Variants in INTS9 observed in about 807,000 individuals in gnomAD.
INTS9 encodes protein related to CPSF subunits of 74 kDa.
In INTS9, 55 loss-of-function variants were observed where a neutral mutation model predicts 79.7. That is an observed-to-expected ratio of 0.69 (90% confidence interval 0.56 to 0.86). INTS9 has a LOEUF of 0.86. INTS9 is among the 40% of genes least tolerant of loss of function. INTS9 has a pLI of 0.00. For missense variants in INTS9, 721 were observed against 831.5 expected (o/e 0.87, Z 1.64); for synonymous variants, 319 against 325.2 (o/e 0.98, Z 0.20).
At chr8:28,836,938 G>A (rs1475083512) in intron 5 of INTS9, among the ~76,000 whole-genome samples, 6 of 152,064 alleles carry the variant, frequency 3.9e-5, no homozygotes, top group Middle Eastern at 3.4e-3. Flanking sequence ...AACTTATACC[G>A]TACTTATTAA....
intron 10 of INTS9, among the ~76,000 whole-genome samples, chr8:28,790,714 C>G (rs1421950356): frequency 1.3e-5 from 2 of 152,194 alleles, no homozygotes; most frequent in Non-Finnish European, 2.9e-5. Context: ...TTACTTAAGT[C>G]CATCCTTTCC....
intron 1 of INTS9, among the ~76,000 whole-genome samples, chr8:28,874,560 T>G (rs1013181180): frequency 6.6e-6 from 1 of 152,158 alleles, no homozygotes; most frequent in Non-Finnish European, 1.5e-5. Flanking sequence ...CCCAAAGTGC[T>G]AGGATTACAG....
intron 2 of INTS9, among the ~76,000 whole-genome samples, chr8:28,858,714 T>C (rs566379890): frequency 9.8e-5 from 15 of 152,366 alleles, no homozygotes; most frequent in African/African-American, 3.6e-4. Flanking sequence ...CAGGAATGAC[T>C]GAGATAAACT....
chr8:28,851,233 C>T (rs1404814578), intron 2 of INTS9, among the ~76,000 whole-genome samples: 1 of 151,112 alleles, frequency 6.6e-6, no homozygotes, highest in African/African-American at 2.5e-5. Flanking sequence ...CTCTAAGGTC[C>T]CTCTTCCTCT....
intron 1 of INTS9, among the ~76,000 whole-genome samples, chr8:28,876,820 A>T (rs1809420934): frequency 6.6e-6 from 1 of 152,166 alleles, no homozygotes; most frequent in South Asian, 2.1e-4. Context: ...TTATATGAAA[A>T]CCACACAGGA....
chr8:28,821,272 C>T (rs1289839848), intron 6 of INTS9, among the ~76,000 whole-genome samples: 2 of 152,270 alleles, frequency 1.3e-5, no homozygotes, highest in South Asian at 2.1e-4. Flanking sequence ...GCTGGGGAGG[C>T]CTCAGAATCA....
intron 2 of INTS9, among the ~76,000 whole-genome samples, chr8:28,858,505 T>A (rs748638303): frequency 2.6e-5 from 4 of 152,218 alleles, no homozygotes; most frequent in African/African-American, 7.2e-5. Context: ...GGGTGGCACA[T>A]GTATTTCTAA....
At chr8:28,809,506 G>A (rs1446577064) in intron 8 of INTS9, among the ~76,000 whole-genome samples, 1 of 152,100 alleles carries the variant, frequency 6.6e-6, no homozygotes, top group Non-Finnish European at 1.5e-5. Flanking sequence ...AACACAGGTT[G>A]CCAGCTAAAA....
At position 28,787,901 on chromosome 8, in the gene INTS9, G is replaced by C. The variant is rs780652257; in HGVS notation, c.1038-12C>G. On this transcript the variant is annotated splice_polypyrimidine_tract_variant and intron_variant, in intron 10 of 16. Transcript: ENST00000521022. ...TGTTGTGACAAAGCCTATTAAAGAG[G>C]AAAAACACATCAGCATGTGAGGAAG... 2 of 1,582,930 alleles carry C rather than the reference G, an allele frequency of 1.3e-6. No individual in the cohort carries two copies. The highest frequency in any genetic ancestry group is 1.7e-6 in the Non-Finnish European group (2 of 1,155,836).
rs1331839884 is a variant in INTS9, at chr8:28,776,437, T to G, written c.1396-511A>C. ...AGGAGCAGAGGCAGAGTTTTTTTTTTTTGTTTTTTTTTTTAAACAAAATGT... is the reference window on the plus strand; with the variant it reads ...AGGAGCAGAGGCAGAGTTTTTTTTTGTTGTTTTTTTTTTTAAACAAAATGT... On this transcript the variant is annotated intron_variant, in intron 13 of 16. Coordinates refer to ENST00000521022, the MANE Select transcript of INTS9 (RefSeq NM_018250.4). Among the ~76,000 whole-genome samples, 13 of 90,468 alleles carry G rather than the reference T, an allele frequency of 1.4e-4. No individual in the cohort carries two copies. The South Asian group carries it at 2.6e-3, about 18-fold the overall frequency. 59.4% of individuals were successfully genotyped at this position (90,468 alleles called of 152,430 possible). A position where few individuals can be genotyped will look rare whatever the true frequency, so the allele number is the denominator to read the frequency against.
At chr8:28,884,396 G>A (rs904484198) in intron 1 of INTS9, among the ~76,000 whole-genome samples, 5 of 151,738 alleles carry the variant, frequency 3.3e-5, no homozygotes, top group Non-Finnish European at 5.9e-5. Flanking sequence ...TGTTGCCCAG[G>A]CTGGTCTGGA....
chr8:28,801,410 A>C (rs943797800), intron 8 of INTS9, among the ~76,000 whole-genome samples: 6 of 152,106 alleles, frequency 3.9e-5, no homozygotes, highest in Non-Finnish European at 8.8e-5. Flanking sequence ...GGAACTCTTA[A>C]GCCCAGGAGG....
At chr8:28,826,936 C>T (rs1806181864) in intron 6 of INTS9, among the ~76,000 whole-genome samples, 1 of 152,182 alleles carries the variant, frequency 6.6e-6, no homozygotes, top group African/African-American at 2.4e-5. Context: ...AGTCCTTTTG[C>T]TGACATCCTC....
intron 10 of INTS9, among the ~76,000 whole-genome samples, chr8:28,792,382 A>ATG (rs1442436445): frequency 6.6e-6 from 1 of 152,128 alleles, no homozygotes; most frequent in Non-Finnish European, 1.5e-5. Context: ...ATGTTTAGCC[A>ATG]TGTGACACCT....
intron 6 of INTS9, among the ~76,000 whole-genome samples, chr8:28,819,459 G>A (rs1353522863): frequency 5.9e-5 from 9 of 152,108 alleles, no homozygotes; most frequent in South Asian, 2.1e-4. Flanking sequence ...GTAGTTGAGC[G>A]GTTTTGAGTG....
intron 11 of INTS9, among the ~76,000 whole-genome samples, chr8:28,787,218 C>T (rs1438969664): frequency 6.6e-6 from 1 of 152,184 alleles, no homozygotes; most frequent in East Asian, 1.9e-4. Context: ...ATATAGAAAA[C>T]ACCCATTTGT....
intron 16 of INTS9, chr8:28,769,452 C>A (rs1802397891): frequency 1.3e-5 from 2 of 155,142 alleles, no homozygotes; most frequent in African/African-American, 4.8e-5. Flanking sequence ...ATCAGGGCTG[C>A]TGAGACAGAG....
chr8:28,880,865 G>T (rs560334055), intron 1 of INTS9, among the ~76,000 whole-genome samples: 1 of 146,452 alleles, frequency 6.8e-6, no homozygotes, highest in Non-Finnish European at 1.5e-5. Context: ...GTCTCTGCCC[G>T]GCCGCCCATC....
intron 1 of INTS9, among the ~76,000 whole-genome samples, chr8:28,868,635 T>C (rs1447410704): frequency 6.6e-6 from 1 of 152,216 alleles, no homozygotes; most frequent in Non-Finnish European, 1.5e-5. Context: ...CCCTAAATTC[T>C]ATGGGTCTCA....
Sources: gnomAD v4.1 joint callset for allele counts (sites outside exome capture counted in the v4.1 genomes callset) on GRCh38, gnomAD v4.1.1 for gene constraint, MANE v1.5 for transcripts, NCBI Gene and HGNC (gene_info 2026-07-23, HGNC 2026-07-21) for gene names.